RCC1L: variants seen among roughly 807,000 people sequenced by gnomAD.
RCC1L encodes RCC1-like G exchanging factor-like protein.
Under a neutral mutation model 58.6 loss-of-function variants are expected in RCC1L, and 46 were observed. That is an observed-to-expected ratio of 0.79 (90% CI 0.62 to 1.00). The LOEUF is 1.00. Among genes scored for constraint, RCC1L ranks in the 50% least tolerant of loss-of-function variants. The pLI is 0.00. For synonymous variants in RCC1L, 281 were observed against 262.9 expected, an observed-to-expected ratio of 1.07 and a Z score of -0.67; for missense variants, 636 against 623.6, an observed-to-expected ratio of 1.02 and a Z score of -0.21.
chr7:75,037,997 G>C (rs1317923750), downstream of RCC1L, among the ~76,000 whole-genome samples: 1 of 152,212 alleles, frequency 6.6e-6, no homozygotes, highest in Non-Finnish European at 1.5e-5. Context: ...GGTGCAGCAG[G>C]AGCGTCTCGG....
intron 9 of RCC1L, among the ~76,000 whole-genome samples, chr7:75,053,430 AGACAATTT>A (rs1805981992): frequency 6.6e-6 from 1 of 152,164 alleles, no homozygotes; most frequent in African/African-American, 2.4e-5. Flanking sequence ...GTGAAAAGTA[AGACAATTT>A]GTCATTCCTG....
intron 10 of RCC1L, among the ~76,000 whole-genome samples, chr7:75,031,458 C>T (rs1655826064): frequency 1.3e-5 from 2 of 152,152 alleles, no homozygotes; most frequent in South Asian, 4.1e-4. Flanking sequence ...AAAAAAATTA[C>T]CTAATGTTCC....
intron 6 of RCC1L, 50 bp from the exon 7 acceptor site, chr7:75,058,819 C>A: frequency 6.2e-7 from 1 of 1,609,196 alleles, no homozygotes; most frequent in Middle Eastern, 1.7e-4. Context: ...TTTTAACAAA[C>A]ACATAGGCAG....
At chr7:75,033,384 G>A (rs1805358467) in intron 10 of RCC1L, among the ~76,000 whole-genome samples, 1 of 152,050 alleles carries the variant, frequency 6.6e-6, no homozygotes, top group African/African-American at 2.4e-5. Context: ...GGCAAAGAAG[G>A]ACCCGTAGTG....
At chr7:75,045,234 G>A (rs1805684707) in intron 10 of RCC1L, among the ~76,000 whole-genome samples, 1 of 151,946 alleles carries the variant, frequency 6.6e-6, no homozygotes, top group South Asian at 2.1e-4. Flanking sequence ...CTGGATTATA[G>A]AGACACAATC....
At chr7:75,031,297 C>T (rs1805296933) in intron 10 of RCC1L, among the ~76,000 whole-genome samples, 1 of 152,108 alleles carries the variant, frequency 6.6e-6, no homozygotes, top group African/African-American at 2.4e-5. Flanking sequence ...GTGCCCGGGT[C>T]ACCAGCAGCA....
intron 9 of RCC1L, chr7:75,055,430 T>C (rs1806044842): frequency 5.2e-6 from 1 of 192,862 alleles, no homozygotes; most frequent in African/African-American, 2.3e-5. Flanking sequence ...AATCGGTAGA[T>C]TTACCTCCGT....
intron 9 of RCC1L, 43 bp downstream of exon 9, chr7:75,055,858 C>A: frequency 6.2e-7 from 1 of 1,612,762 alleles, no homozygotes; most frequent in South Asian, 1.1e-5. Flanking sequence ...GACAGAGAAC[C>A]TCTGCTGGGC....
exon 11 of RCC1L, chr7:75,027,950 A>G: frequency 7.1e-7 from 1 of 1,418,228 alleles, no homozygotes; most frequent in Middle Eastern, 2.3e-4. Flanking sequence ...CCCCACTTGG[A>G]GGGGCATGTG....
intron 3 of RCC1L, among the ~76,000 whole-genome samples, chr7:75,066,043 G>A (rs184468773): frequency 3.7e-4 from 55 of 149,700 alleles, no homozygotes; most frequent in Non-Finnish European, 6.1e-4. Flanking sequence ...AAAAAGCCAC[G>A]TCTACACACC....
At chr7:75,061,958 C>T (rs1806290453) in intron 5 of RCC1L, among the ~76,000 whole-genome samples, 1 of 152,186 alleles carries the variant, frequency 6.6e-6, no homozygotes, top group African/African-American at 2.4e-5. Context: ...GAGGCCAAGG[C>T]AGGTGGATCA....
At chr7:75,055,836 G>C in intron 9 of RCC1L, 65 bp downstream of exon 9, 1 of 1,594,082 alleles carries the variant, frequency 6.3e-7, no homozygotes, top group Non-Finnish European at 8.6e-7. Context: ...CGCAGTTTGG[G>C]GTTGAACTGG....
At chr7:75,051,335 CACAT>C (rs1191863194) in intron 10 of RCC1L, among the ~76,000 whole-genome samples, 1 of 149,474 alleles carries the variant, frequency 6.7e-6, no homozygotes, top group Non-Finnish European at 1.5e-5. Flanking sequence ...CACACACACA[CACAT>C]ATATATACAC....
At chr7:75,061,430 C>CT (rs781837074) in intron 5 of RCC1L, 139 bp from the exon 6 acceptor site, 90,117 of 749,758 alleles carry the variant, frequency 0.12, 6,404 homozygotes, top group Middle Eastern at 0.26. Flanking sequence ...CCATGCTCAT[C>CT]TTACTCCTTC....
intron 2 of RCC1L, among the ~76,000 whole-genome samples, chr7:75,068,320 CAA>C (rs67141856): frequency 2.9e-4 from 33 of 114,430 alleles, no homozygotes; most frequent in Non-Finnish European, 2.3e-4. Flanking sequence ...AACTCTGACT[CAA>C]AAAAAAAAAA....
intron 10 of RCC1L, among the ~76,000 whole-genome samples, chr7:75,047,708 C>T (rs1015657783): frequency 4.0e-5 from 6 of 151,356 alleles, no homozygotes; most frequent in African/African-American, 9.7e-5. Flanking sequence ...AGTGCAGTGG[C>T]GCAATCTCGG....
At chr7:75,041,906 C>T (rs1027820266), downstream of RCC1L, among the ~76,000 whole-genome samples, 23 of 150,346 alleles carry the variant, frequency 1.5e-4, no homozygotes, top group Admixed American at 1.5e-3. Flanking sequence ...AAATATTTGT[C>T]GAGTAGGACT....
chr7:75,048,594 C>T (rs939143912), intron 10 of RCC1L, among the ~76,000 whole-genome samples: 19 of 152,372 alleles, frequency 1.2e-4, no homozygotes, highest in African/African-American at 2.2e-4. Context: ...GTGCCCAGCA[C>T]GCTGTCCATG....
At chr7:75,031,024 G>A (rs1013251216) in intron 10 of RCC1L, among the ~76,000 whole-genome samples, 65 of 152,314 alleles carry the variant, frequency 4.3e-4, no homozygotes, top group African/African-American at 1.5e-3. Context: ...AGGCCAGTGC[G>A]GTTTCCCTTC....
Sources: allele counts gnomAD v4.1 joint callset (sites outside exome capture counted in the v4.1 genomes callset), GRCh38; gene constraint gnomAD v4.1.1; transcripts MANE v1.5; gene names NCBI Gene and HGNC (gene_info 2026-07-23, HGNC 2026-07-21).